BACH2: variants seen among roughly 807,000 people sequenced by gnomAD.
The protein encoded by BACH2 is BACH transcriptional regulator 2.
A neutral mutation model predicts 61.8 loss-of-function variants in BACH2; 5 were observed. That is an observed-to-expected ratio of 0.08 (90% CI 0.04 to 0.17). BACH2 has a LOEUF of 0.17. BACH2 is among the 10% of genes least tolerant of loss of function. The pLI is 1.00. For missense variants in BACH2, 824 were observed against 1,091.1 expected (o/e 0.76, Z 3.45); for synonymous variants, 446 against 440.1 (o/e 1.01, Z -0.17).
At chr6:90,134,317 C>T (rs778395755) in intron 4 of BACH2, among the ~76,000 whole-genome samples, 25 of 152,184 alleles carry the variant, frequency 1.6e-4, no homozygotes, top group Non-Finnish European at 2.8e-4. Context: ...CACATGACTT[C>T]GCTTTTAATC....
rs1582536822 is a variant in BACH2, at chr6:90,254,573, T to A, written c.-352-1983A>T. Reference sequence around the variant, plus strand: ...CACAATATGTTTGGCTTTAAGAAAATAAAAAGGACCTAGAGCAGAAAAATA... The same window carrying A: ...CACAATATGTTTGGCTTTAAGAAAAAAAAAAGGACCTAGAGCAGAAAAATA... On this transcript the variant is annotated intron_variant, in intron 2 of 8. Transcript: ENST00000257749. Among the ~76,000 whole-genome samples the A allele has an allele frequency of 2.0e-5, 3 of 151,878 alleles. No individual in the cohort carries two copies. In the East Asian group the frequency reaches 5.8e-4, roughly 29 times the overall value.
chr6:89,957,599 C>G (rs1260154831), intron 6 of BACH2, among the ~76,000 whole-genome samples: 1 of 152,152 alleles, frequency 6.6e-6, no homozygotes, highest in Non-Finnish European at 1.5e-5. Context: ...AGTGCAGTGG[C>G]ATGATCTTGC....
At chr6:90,027,420 C>A (rs1778691557) in intron 5 of BACH2, among the ~76,000 whole-genome samples, 1 of 152,170 alleles carries the variant, frequency 6.6e-6, no homozygotes, top group Admixed American at 6.5e-5. Context: ...GCCACTCACA[C>A]ACGATTTCAC....
At chr6:90,068,856 C>T (rs1255441341) in intron 5 of BACH2, among the ~76,000 whole-genome samples, 1 of 152,130 alleles carries the variant, frequency 6.6e-6, no homozygotes, top group Non-Finnish European at 1.5e-5. Context: ...GCATCGTTTT[C>T]CTGTAAACTG....
At chr6:90,211,588 C>CCGTG (rs1554258006) in intron 3 of BACH2, among the ~76,000 whole-genome samples, 157 of 144,138 alleles carry the variant, frequency 1.1e-3, no homozygotes, top group Non-Finnish European at 5.3e-4. Context: ...GTGTCAAGGG[C>CCGTG]TGTGTGTGTG....
intron 4 of BACH2, among the ~76,000 whole-genome samples, chr6:90,107,146 G>T (rs958106324): frequency 1.3e-5 from 2 of 152,112 alleles, no homozygotes; most frequent in African/African-American, 2.4e-5. Context: ...GGCCGAGGCG[G>T]GTGGATCACG....
intron 5 of BACH2, among the ~76,000 whole-genome samples, chr6:90,056,652 A>G (rs1780370434): frequency 6.6e-6 from 1 of 152,170 alleles, no homozygotes. Context: ...TCTCCACCCC[A>G]AATCAACAGA....
At chr6:90,035,971 AT>A (rs1779242017) in intron 5 of BACH2, among the ~76,000 whole-genome samples, 1 of 151,864 alleles carries the variant, frequency 6.6e-6, no homozygotes, top group Non-Finnish European at 1.5e-5. Flanking sequence ...TTGTTCTAAA[AT>A]TAAGCCCATT....
chr6:89,940,436 C>A (rs150320518), intron 7 of BACH2, among the ~76,000 whole-genome samples: 400 of 152,352 alleles, frequency 2.6e-3, no homozygotes, highest in African/African-American at 9.1e-3. Context: ...GTGACACAGG[C>A]TTGCACCTTT....
rs137978198 is a variant in BACH2, at chr6:90,233,597, T to A, written c.-275+18916A>T. Among the ~76,000 whole-genome samples, 335 of 152,306 alleles carry A rather than the reference T, an allele frequency of 2.2e-3. 2 individuals carry two copies. Among genetic ancestry groups the A allele is most frequent in the East Asian group, 0.015 (78 of 5,182 alleles). On this transcript the variant is annotated intron_variant, in intron 3 of 8. Coordinates refer to ENST00000257749, the MANE Select transcript of BACH2 (RefSeq NM_021813.4). ...ATTGGGAATAATAAAGAGTCCCTTTTGGGGTTTATGTGAGGATTACATTAA... is the reference window on the plus strand; with the variant it reads ...ATTGGGAATAATAAAGAGTCCCTTTAGGGGTTTATGTGAGGATTACATTAA...
At chr6:89,966,313 C>A (rs1775044730) in intron 6 of BACH2, among the ~76,000 whole-genome samples, 1 of 152,222 alleles carries the variant, frequency 6.6e-6, no homozygotes, top group South Asian at 2.1e-4. Flanking sequence ...CGATACACTT[C>A]TGATTTCTCC....
intron 4 of BACH2, among the ~76,000 whole-genome samples, chr6:90,091,742 G>A (rs1423177036): frequency 6.6e-6 from 1 of 152,062 alleles, no homozygotes; most frequent in African/African-American, 2.4e-5. Context: ...AGTGGGGGGT[G>A]CAAAAAATTT....
chr6:90,197,318 T>A (rs551094856), intron 4 of BACH2, among the ~76,000 whole-genome samples: 1 of 152,324 alleles, frequency 6.6e-6, no homozygotes, highest in Non-Finnish European at 1.5e-5. Flanking sequence ...CATTATAAAT[T>A]TCCTTTCATA....
Position 90,070,736 on chromosome 6 carries a change from T to G in BACH2, c.-13+18225A>C, listed in dbSNP as rs138160383. Among the ~76,000 whole-genome samples the G allele has an allele frequency of 2.6e-5, 4 of 152,246 alleles. 1 individual carries two copies. The highest frequency in any genetic ancestry group is 9.6e-5 in the African/African-American group (4 of 41,554). On this transcript the variant is annotated intron_variant, in intron 5 of 8. Coordinates refer to ENST00000257749, the MANE Select transcript of BACH2 (RefSeq NM_021813.4). Reference sequence around the variant, plus strand: ...GGGCTAGCTGTATCTGGAAGAAAATTCTTGTTTTGAGCCCAAATCTCTTTC... The same window carrying G: ...GGGCTAGCTGTATCTGGAAGAAAATGCTTGTTTTGAGCCCAAATCTCTTTC...
At chr6:90,058,904 GA>G (rs1368108334) in intron 5 of BACH2, among the ~76,000 whole-genome samples, 3 of 152,340 alleles carry the variant, frequency 2.0e-5, no homozygotes, top group Non-Finnish European at 4.4e-5. Flanking sequence ...ATGGTGCTGG[GA>G]AAACTGGTTA....
chr6:90,014,363 G>C (rs570127551), intron 5 of BACH2, among the ~76,000 whole-genome samples: 1 of 138,818 alleles, frequency 7.2e-6, no homozygotes, highest in Non-Finnish European at 1.5e-5. Context: ...TTCTGAGCTG[G>C]GATAGTCTTT....
intron 6 of BACH2, among the ~76,000 whole-genome samples, chr6:89,963,931 G>A (rs1264080220): frequency 1.3e-5 from 2 of 152,168 alleles, no homozygotes; most frequent in African/African-American, 2.4e-5. Flanking sequence ...AGGACATTAC[G>A]CTAAGTGAAT....
chr6:90,115,300 C>T (rs2127817636), intron 4 of BACH2, among the ~76,000 whole-genome samples: 1 of 152,244 alleles, frequency 6.6e-6, no homozygotes, highest in East Asian at 1.9e-4. Flanking sequence ...ACCAAAACAG[C>T]ATGGTACTGG....
intron 6 of BACH2, among the ~76,000 whole-genome samples, chr6:89,985,303 G>A (rs550664222): frequency 3.9e-5 from 6 of 152,260 alleles, no homozygotes; most frequent in African/African-American, 1.4e-4. Flanking sequence ...TGGCCACCTG[G>A]GATTCTCATC....
Sources: gnomAD v4.1 joint callset for allele counts (sites outside exome capture counted in the v4.1 genomes callset) on GRCh38, gnomAD v4.1.1 for gene constraint, MANE v1.5 for transcripts, NCBI Gene and HGNC (gene_info 2026-07-23, HGNC 2026-07-21) for gene names.